Variants in TTLL11 observed in about 807,000 individuals in gnomAD.
The protein encoded by TTLL11 is tubulin polyglutamylase TTLL11.
Under a neutral mutation model 51.7 loss-of-function variants are expected in TTLL11, and 42 were observed. The ratio of observed to expected loss-of-function variants is 0.81; its 90% CI spans 0.64 to 1.05. The LOEUF is 1.05. Among genes scored for constraint, TTLL11 ranks in the 50% least tolerant of loss-of-function variants. The probability of loss-of-function intolerance (pLI) is 0.00; values close to 1 mark genes in which losing one functional copy is unlikely to be tolerated. For missense variants in TTLL11, 799 were observed against 940.4 expected (o/e 0.85, Z 1.97); for synonymous variants, 381 against 383.5 (o/e 0.99, Z 0.08).
chr9:121,934,849 A>G (rs12003181), intron 6 of TTLL11, among the ~76,000 whole-genome samples: 53,635 of 152,084 alleles, frequency 0.35, 9,817 homozygotes, highest in Middle Eastern at 0.44. Context: ...GTTTCATCAA[A>G]GACCTTCTTA....
At chr9:121,875,873 A>G (rs1434072572) in intron 6 of TTLL11, among the ~76,000 whole-genome samples, 1 of 152,230 alleles carries the variant, frequency 6.6e-6, no homozygotes, top group Non-Finnish European at 1.5e-5. Context: ...TGTTTTATCT[A>G]TTAGCATTTT....
chr9:121,854,485 T>C (rs1468926803), intron 8 of TTLL11, among the ~76,000 whole-genome samples: 1 of 152,188 alleles, frequency 6.6e-6, no homozygotes, highest in Non-Finnish European at 1.5e-5. Flanking sequence ...GCTTATATCT[T>C]AAAATAGCAA....
chr9:121,863,744 C>A (rs1410712989), intron 7 of TTLL11, among the ~76,000 whole-genome samples: 1 of 152,208 alleles, frequency 6.6e-6, no homozygotes, highest in Non-Finnish European at 1.5e-5. Flanking sequence ...CTCATCAGCT[C>A]TCTGGATTTT....
intron 1 of TTLL11, among the ~76,000 whole-genome samples, chr9:122,045,834 C>T (rs1844986460): frequency 6.6e-6 from 1 of 152,088 alleles, no homozygotes; most frequent in East Asian, 1.9e-4. Context: ...ATCTGAGGAA[C>T]CTAGAGTAGT....
At position 121,989,935 on chromosome 9, in the gene TTLL11, T is replaced by C. The variant is rs148847988; in HGVS notation, c.694-165A>G. Reference sequence around the variant, plus strand: ...ATGGAGATGACACTGCACAAGGTACTGAGATGGTGACATCAGGACTGTCCC... The same window carrying C: ...ATGGAGATGACACTGCACAAGGTACCGAGATGGTGACATCAGGACTGTCCC... On this transcript the variant is annotated intron_variant, in intron 3 of 8. Coordinates refer to ENST00000321582, the MANE Select transcript of TTLL11 (RefSeq NM_001139442.2). This position sits in a 1 kb window ranked among gnomAD's most constrained non-coding sequence, Gnocchi z 4.2. Among the ~76,000 whole-genome samples the C allele has an allele frequency of 6.6e-6, 1 of 152,326 alleles. No homozygotes were observed. Among genetic ancestry groups the C allele is most frequent in the East Asian group, 1.9e-4 (1 of 5,184 alleles).
intron 1 of TTLL11, among the ~76,000 whole-genome samples, chr9:122,088,259 C>G (rs1846178606): frequency 6.6e-6 from 1 of 152,216 alleles, no homozygotes. Context: ...ATACTGCCTG[C>G]CTTGTTGTTC....
intron 6 of TTLL11, among the ~76,000 whole-genome samples, chr9:121,899,364 TGTATATATATATAC>T: frequency 1.2e-5 from 1 of 86,746 alleles, no homozygotes; most frequent in African/African-American, 3.8e-5. Context: ...TATGTGTGTG[TGTATATATATATAC>T]ATATATATAT....
Position 121,845,288 on chromosome 9 carries a change from A to G in TTLL11, c.1840+15049T>C, listed in dbSNP as rs545797623. ...AAGTATTAGAAAAAGAAACCCCACC[A>G]ACCTAGAATTCTGTATGGAGTGAAA... On this transcript the variant is annotated intron_variant, in intron 8 of 8. Coordinates refer to ENST00000321582, the MANE Select transcript of TTLL11 (RefSeq NM_001139442.2). 1.8e-4 allele frequency among the ~76,000 whole-genome samples: 27 copies of G among 152,278 alleles called. No individual in the cohort carries two copies. In the East Asian group the frequency reaches 4.8e-3, roughly 27 times the overall value.
chr9:122,040,887 T>C (rs72767733), intron 1 of TTLL11, among the ~76,000 whole-genome samples: 6,579 of 152,338 alleles, frequency 0.043, 174 homozygotes, highest in African/African-American at 0.074. Flanking sequence ...TCAGTACTCA[T>C]AAATACAATG....
intron 6 of TTLL11, among the ~76,000 whole-genome samples, chr9:121,880,933 C>A (rs1280058143): frequency 6.6e-6 from 1 of 152,220 alleles, no homozygotes; most frequent in African/African-American, 2.4e-5. Flanking sequence ...TAAACCCCTG[C>A]ACTACCCCTG....
Position 121,901,517 on chromosome 9 carries a change from G to A in TTLL11, c.1482-30769C>T, listed in dbSNP as rs545716381. 3.3e-5 allele frequency among the ~76,000 whole-genome samples: 5 copies of A among 152,204 alleles called. No individual in the cohort carries two copies. In the South Asian group the frequency reaches 1.0e-3, roughly 32 times the overall value. ...AAATTATAAGTATTCTGTTTTTCAA[G>A]TCACACAGATAATGTGAATTCCAAC... On this transcript the variant is annotated intron_variant, in intron 6 of 8. Transcript: ENST00000321582.
chr9:122,056,084 C>T (rs1373070764), intron 1 of TTLL11, among the ~76,000 whole-genome samples: 1 of 152,184 alleles, frequency 6.6e-6, no homozygotes, highest in African/African-American at 2.4e-5. Flanking sequence ...TTCCAGCAAT[C>T]GACAATGACT....
chr9:121,822,574 G>T lies in TTLL11; in HGVS notation c.*13C>A. On this transcript the variant is annotated 3_prime_UTR_variant, in exon 9 of 9. Coordinates refer to ENST00000321582, the MANE Select transcript of TTLL11 (RefSeq NM_001139442.2). The surrounding 1 kb of genome is among the most constrained non-coding windows in gnomAD (Gnocchi z 5.8). ...GCTCTCGTCTTCCGTTTTCCAGGAG[G>T]ACAGAGTGGCCCTCAGGACAGGGTA... 7.0e-7 allele frequency: 1 copy of T among 1,432,418 alleles called. No homozygotes were observed. Among genetic ancestry groups the T allele is most frequent in the Non-Finnish European group, 9.2e-7 (1 of 1,089,690 alleles). The allele number at this position is 1,432,418 out of a possible 1,614,324, so 88.7% of individuals were successfully genotyped here.
chr9:121,838,358 C>T (rs535870998), intron 8 of TTLL11, among the ~76,000 whole-genome samples: 2 of 152,190 alleles, frequency 1.3e-5, no homozygotes, highest in Admixed American at 1.3e-4. Context: ...CCCCCACAGC[C>T]TCCTCGCTGG....
At chr9:121,975,480 G>A (rs751663305) in intron 4 of TTLL11, among the ~76,000 whole-genome samples, 5 of 152,140 alleles carry the variant, frequency 3.3e-5, no homozygotes, top group Non-Finnish European at 7.4e-5. Context: ...GGGAGGCCGA[G>A]GCAGGCAGAT....
At chr9:122,053,039 C>A (rs1845202444) in intron 1 of TTLL11, among the ~76,000 whole-genome samples, 1 of 152,148 alleles carries the variant, frequency 6.6e-6, no homozygotes, top group Non-Finnish European at 1.5e-5. Flanking sequence ...CTAATTAAGT[C>A]CCTTGGTGAG....
chr9:121,893,908 A>C (rs1270369090), intron 6 of TTLL11, among the ~76,000 whole-genome samples: 1 of 152,242 alleles, frequency 6.6e-6, no homozygotes, highest in Non-Finnish European at 1.5e-5. Context: ...GCTGTTTTGC[A>C]TGAGAAAAAT....
chr9:122,064,537 T>C (rs1315105890), intron 1 of TTLL11, among the ~76,000 whole-genome samples: 2 of 152,214 alleles, frequency 1.3e-5, no homozygotes, highest in African/African-American at 4.8e-5. Context: ...TGTTGATCAA[T>C]AGCATTTATC....
At chr9:121,964,721 C>T (rs1842350328) in intron 6 of TTLL11, among the ~76,000 whole-genome samples, 2 of 152,138 alleles carry the variant, frequency 1.3e-5, no homozygotes, top group Admixed American at 1.3e-4. Flanking sequence ...CCTCGAGGCT[C>T]CCCCAACAGA....
Sources: gnomAD v4.1 joint callset for allele counts (sites outside exome capture counted in the v4.1 genomes callset) on GRCh38, gnomAD v4.1.1 for gene constraint, Gnocchi (gnomAD v3.1) non-coding constraint, MANE v1.5 for transcripts, NCBI Gene and HGNC (gene_info 2026-07-23, HGNC 2026-07-21) for gene names.